The following ASIC2 variants were observed in gnomAD, a reference collection of about 807,000 sequenced individuals.
ASIC2 encodes the protein acid sensing ion channel subunit 2.
In ASIC2, 25 loss-of-function variants were observed where a neutral mutation model predicts 57.3. The ratio of observed to expected loss-of-function variants is 0.44; its 90% CI spans 0.32 to 0.61. The LOEUF is 0.61. ASIC2 is among the 20% of genes least tolerant of loss of function. ASIC2 has a pLI of 0.06. For synonymous variants in ASIC2, 319 were observed against 307.5 expected (o/e 1.04, Z -0.39); for missense variants, 641 against 738.1 (o/e 0.87, Z 1.52).
chr17:33,156,444 T>C (rs1905005185), intron 1 of ASIC2, among the ~76,000 whole-genome samples: 1 of 152,082 alleles, frequency 6.6e-6, no homozygotes, highest in Non-Finnish European at 1.5e-5. Context: ...TTAAAAATGA[T>C]CAGCTTTTAA....
At chr17:33,106,938 C>T (rs940222624) in intron 2 of ASIC2, among the ~76,000 whole-genome samples, 1 of 152,150 alleles carries the variant, frequency 6.6e-6, no homozygotes, top group Admixed American at 6.5e-5. Flanking sequence ...AGTGAGAGAT[C>T]TGAGGATTTA....
intron 1 of ASIC2, among the ~76,000 whole-genome samples, chr17:33,328,420 G>A (rs1266514902): frequency 2.0e-5 from 3 of 152,210 alleles, no homozygotes; most frequent in African/African-American, 7.2e-5. Flanking sequence ...AGAGGGAGTT[G>A]GATGATCCTC....
intron 1 of ASIC2, among the ~76,000 whole-genome samples, chr17:33,433,201 C>T (rs1911478852): frequency 6.6e-6 from 1 of 152,046 alleles, no homozygotes; most frequent in Admixed American, 6.6e-5. Context: ...ACATATATAC[C>T]ATGGAATATT....
chr17:34,003,343 A>C (rs1339648756), intron 1 of ASIC2: 1 of 152,206 alleles, frequency 6.6e-6, no homozygotes, highest in African/African-American at 2.4e-5. Context: ...ATGAAGAAAA[A>C]AGTATGCAGG....
chr17:33,370,908 A>T (rs1401353473), intron 1 of ASIC2, among the ~76,000 whole-genome samples: 1 of 152,202 alleles, frequency 6.6e-6, no homozygotes, highest in Non-Finnish European at 1.5e-5. Context: ...AGCGAAAGCA[A>T]GTTTATTAAG....
At position 33,879,238 on chromosome 17, in the gene ASIC2, A is replaced by T. The variant is rs1395562946; in HGVS notation, c.555+276740T>A. On this transcript the variant is annotated intron_variant, in intron 1 of 9. Transcript: ENST00000359872. ...AACCAGCTAACATCATGATGACAGG[A>T]TCAAATTCACACATAACAATATTAA... 6.6e-5 allele frequency among the ~76,000 whole-genome samples: 10 copies of T among 152,344 alleles called. No individual in the cohort carries two copies. The East Asian group carries it at 1.9e-3, about 29-fold the overall frequency.
intron 1 of ASIC2, among the ~76,000 whole-genome samples, chr17:33,979,346 G>A (rs1014877378): frequency 1.3e-5 from 2 of 152,090 alleles, no homozygotes; most frequent in Non-Finnish European, 2.9e-5. Flanking sequence ...GAGTCTCCCT[G>A]GGGCAGTTGC....
intron 1 of ASIC2, among the ~76,000 whole-genome samples, chr17:33,968,745 C>T (rs930800165): frequency 6.6e-6 from 1 of 152,166 alleles, no homozygotes; most frequent in East Asian, 1.9e-4. Flanking sequence ...CACCATATGG[C>T]AGGACAGGAA....
At position 34,028,654 on chromosome 17, in the gene ASIC2, T is replaced by C. The variant is rs142361502; in HGVS notation, c.555+127324A>G. 6.4e-3 allele frequency among the ~76,000 whole-genome samples: 976 copies of C among 152,338 alleles called. 13 individuals are homozygous for C. Among genetic ancestry groups the C allele is most frequent in the African/African-American group, 0.022 (913 of 41,578 alleles). On this transcript the variant is annotated intron_variant, in intron 1 of 9. Coordinates refer to the ASIC2 transcript ENST00000359872. ...TCACAAGAGGACATATCTGGAGTCA[T>C]AAAATATTGGAAGAAATTTCGGAGC...
At chr17:33,804,937 T>C (rs531524982) in intron 1 of ASIC2, among the ~76,000 whole-genome samples, 3 of 152,202 alleles carry the variant, frequency 2.0e-5, no homozygotes, top group South Asian at 4.2e-4. Context: ...TTAGGCTCTG[T>C]ATCCTGGGAT....
intron 1 of ASIC2, among the ~76,000 whole-genome samples, chr17:33,404,073 C>T (rs901500116): frequency 3.3e-5 from 5 of 152,072 alleles, no homozygotes; most frequent in African/African-American, 9.7e-5. Flanking sequence ...GAGAGATATT[C>T]GTGTTTAAAA....
chr17:33,102,766 ATTTG>A (rs780030271), intron 2 of ASIC2, among the ~76,000 whole-genome samples: 85 of 151,924 alleles, frequency 5.6e-4, no homozygotes, highest in Admixed American at 1.2e-3. Context: ...TTTTAAATTT[ATTTG>A]TTTGTTTGTT....
chr17:33,849,727 G>A (rs1409612879), intron 1 of ASIC2, among the ~76,000 whole-genome samples: 1 of 152,148 alleles, frequency 6.6e-6, no homozygotes, highest in Non-Finnish European at 1.5e-5. Context: ...GAATAGCACT[G>A]TCAAAGCCTG....
intron 1 of ASIC2, among the ~76,000 whole-genome samples, chr17:33,222,813 T>G (rs987649243): frequency 6.6e-6 from 1 of 152,196 alleles, no homozygotes; most frequent in African/African-American, 2.4e-5. Flanking sequence ...CTAGCAGTAC[T>G]CAATCAATCA....
At chr17:34,147,391 A>G (rs954282131) in intron 1 of ASIC2, among the ~76,000 whole-genome samples, 3 of 152,230 alleles carry the variant, frequency 2.0e-5, no homozygotes, top group African/African-American at 7.2e-5. Context: ...TGAGGCAATC[A>G]ATAGAGAATA....
chr17:33,431,796 C>T lies in ASIC2; in HGVS notation c.556-319729G>A, dbSNP rs145810987. ...AAAAATATTGAGGGCAAAACCCACA[C>T]AAAATCATCATAAGAACGAAGAGAA... is the stretch of plus-strand genomic sequence containing the variant. On this transcript the variant is annotated intron_variant, in intron 1 of 9. Transcript: ENST00000359872. 4.2e-3 allele frequency among the ~76,000 whole-genome samples: 639 copies of T among 152,146 alleles called. 3 individuals carry two copies. Among genetic ancestry groups the T allele is most frequent in the African/African-American group, 0.015 (605 of 41,548 alleles).
chr17:33,637,674 A>G (rs558574930), intron 1 of ASIC2, among the ~76,000 whole-genome samples: 2 of 152,346 alleles, frequency 1.3e-5, no homozygotes, highest in South Asian at 4.1e-4. Flanking sequence ...AAGAAAGCAA[A>G]TAAGGAAGGA....
intron 1 of ASIC2, among the ~76,000 whole-genome samples, chr17:33,463,318 C>T (rs966410115): frequency 6.6e-6 from 1 of 152,186 alleles, no homozygotes; most frequent in African/African-American, 2.4e-5. Flanking sequence ...AAGTTTCTGG[C>T]GTGCTTTATA....
intron 1 of ASIC2, among the ~76,000 whole-genome samples, chr17:34,031,177 G>A (rs754480215): frequency 3.9e-5 from 6 of 152,180 alleles, no homozygotes; most frequent in South Asian, 2.1e-4. Context: ...CCAGAGGAAC[G>A]ATCAGGCAGC....
Sources: gnomAD v4.1 joint callset for allele counts (sites outside exome capture counted in the v4.1 genomes callset) on GRCh38, gnomAD v4.1.1 for gene constraint, MANE v1.5 for transcripts, NCBI Gene and HGNC (gene_info 2026-07-23, HGNC 2026-07-21) for gene names.